AKAP7: variants seen among roughly 807,000 people sequenced by gnomAD.
AKAP7 encodes A kinase (PRKA) anchor protein 7.
AKAP7 carries 39 observed loss-of-function variants against 39.5 expected under a neutral mutation model. That is an observed-to-expected ratio of 0.99 (90% CI 0.76 to 1.29). The LOEUF (loss-of-function observed/expected upper bound fraction) is 1.29, where lower values mean the gene tolerates loss of function less well. AKAP7 is among the 50% of genes most tolerant of loss of function. The pLI, the probability that AKAP7 is intolerant of heterozygous loss-of-function variation, is 0.00. For synonymous variants in AKAP7, 140 were observed against 139.1 expected (o/e 1.01, Z -0.05); for missense variants, 414 against 407.7 (o/e 1.02, Z -0.13).
rs11389188 is a variant in AKAP7, at chr6:131,166,953, TA to T, written c.428+1743del. 2.0e-5 allele frequency among the ~76,000 whole-genome samples: 3 copies of T among 151,972 alleles called. No individual in the cohort carries two copies. The South Asian group carries it at 6.2e-4, about 32-fold the overall frequency. ...ATTGGATATGGAATGTGCAGATACT[TA>T]AAAAAATCATTAATTTCTTGAGGTA... On this transcript the variant is annotated intron_variant, in intron 4 of 7. Transcript: ENST00000431975.
intron 5 of AKAP7, among the ~76,000 whole-genome samples, chr6:131,198,939 A>G (rs1378955683): frequency 6.6e-6 from 1 of 152,150 alleles, no homozygotes; most frequent in Non-Finnish European, 1.5e-5. Flanking sequence ...CTTTGCCTCA[A>G]TCCAGGAAAG....
chr6:131,245,423 T>C (rs548610555), intron 7 of AKAP7, among the ~76,000 whole-genome samples: 2 of 148,298 alleles, frequency 1.3e-5, no homozygotes, highest in Non-Finnish European at 3.0e-5. Context: ...TTTTTTTTTT[T>C]GTTTTTTTGT....
intron 7 of AKAP7, among the ~76,000 whole-genome samples, chr6:131,240,574 C>T (rs532486233): frequency 5.7e-4 from 87 of 152,346 alleles, no homozygotes; most frequent in South Asian, 1.0e-3. Flanking sequence ...GCTTCCTGGC[C>T]GCTTTGTTTA....
intron 7 of AKAP7, among the ~76,000 whole-genome samples, chr6:131,226,438 C>T (rs11154622): frequency 0.29 from 43,388 of 152,050 alleles, 6,694 homozygotes; most frequent in Middle Eastern, 0.39. Context: ...CTGTGCAAAC[C>T]GCACTGCACT....
At position 131,281,648 on chromosome 6, in the gene AKAP7, C is replaced by G. The variant is rs762986432; in HGVS notation, c.969C>G (p.Asn323Lys). 1.2e-6 allele frequency: 2 copies of G among 1,613,590 alleles called. No homozygotes were observed. The highest frequency in any genetic ancestry group is 3.3e-5 in the Admixed American group (2 of 59,960). ...ATCTGGAGGAAACACAGAATAAAAACAAGCCGGGGGAGGGGAGCTCTGTGA... is the reference window on the plus strand; with the variant it reads ...ATCTGGAGGAAACACAGAATAAAAAGAAGCCGGGGGAGGGGAGCTCTGTGA... ...QQYLEETQNKNKPGEGSSVKT... is the reference protein window; with the variant it reads ...QQYLEETQNKKKPGEGSSVKT... The change falls in exon 8 of 8, where the codon AAC becomes AAG. Residue 323 changes from asparagine (N) to lysine (K), a missense_variant. Coordinates refer to ENST00000431975, the MANE Select transcript of AKAP7 (RefSeq NM_016377.4). This position sits in a 1 kb window ranked among gnomAD's most constrained non-coding sequence, Gnocchi z 4.0.
upstream of AKAP7, among the ~76,000 whole-genome samples, chr6:131,134,950 C>T (rs1479430278): frequency 6.6e-6 from 1 of 152,168 alleles, no homozygotes; most frequent in East Asian, 1.9e-4. Flanking sequence ...TCCCAATTTA[C>T]TCACTGCAGT....
chr6:131,277,817 A>C, intron 7 of AKAP7, among the ~76,000 whole-genome samples: 1 of 152,230 alleles, frequency 6.6e-6, no homozygotes, highest in East Asian at 1.9e-4. Context: ...AGTCCAGGAC[A>C]GATCTAGAAG....
chr6:131,169,414 A>G (rs1803817552), intron 5 of AKAP7, 141 bp downstream of exon 5: 5 of 937,470 alleles, frequency 5.3e-6, no homozygotes, highest in Admixed American at 2.5e-5. Flanking sequence ...TCCCAATCAT[A>G]AGTCTGAAGG....
At chr6:131,170,437 G>A (rs912085883) in intron 5 of AKAP7, among the ~76,000 whole-genome samples, 2 of 152,006 alleles carry the variant, frequency 1.3e-5, no homozygotes, top group East Asian at 1.9e-4. Flanking sequence ...TAATCTAACC[G>A]TATTGTCCTT....
intron 2 of AKAP7, among the ~76,000 whole-genome samples, chr6:131,151,306 G>C (rs1238056024): frequency 2.0e-5 from 3 of 151,020 alleles, no homozygotes; most frequent in Non-Finnish European, 4.4e-5. Context: ...GCCTCCCAAA[G>C]TGCTGGGATT....
intron 7 of AKAP7, among the ~76,000 whole-genome samples, chr6:131,229,639 T>C (rs768051708): frequency 4.6e-5 from 7 of 152,314 alleles, no homozygotes; most frequent in Non-Finnish European, 1.0e-4. Context: ...ATTACAGGTG[T>C]GAGCCACCAT....
At chr6:131,206,174 T>C (rs1388570795) in intron 6 of AKAP7, among the ~76,000 whole-genome samples, 3 of 152,228 alleles carry the variant, frequency 2.0e-5, no homozygotes, top group African/African-American at 7.2e-5. Flanking sequence ...GCCTAATGTA[T>C]AGATCAGTTG....
At chr6:131,177,417 G>A (rs1404240861) in intron 5 of AKAP7, among the ~76,000 whole-genome samples, 1 of 152,152 alleles carries the variant, frequency 6.6e-6, no homozygotes, top group African/African-American at 2.4e-5. Flanking sequence ...ATCACTTGCC[G>A]ATAGAGGAAG....
chr6:131,282,307 G>C lies in AKAP7; in HGVS notation c.*581G>C. 1 of 1,357,588 alleles carries C rather than the reference G, an allele frequency of 7.4e-7. No homozygotes were observed. Among genetic ancestry groups the C allele is most frequent in the Non-Finnish European group, 9.4e-7 (1 of 1,058,630 alleles). The allele number at this position is 1,357,588 out of a possible 1,614,324, so 84.1% of individuals were successfully genotyped here. On this transcript the variant is annotated 3_prime_UTR_variant, in exon 8 of 8. Coordinates refer to ENST00000431975, the MANE Select transcript of AKAP7 (RefSeq NM_016377.4). Reference sequence around the variant, plus strand: ...AAATGCAACCTTTTCTATAAAATGTGGGCAACATTTTAAAGTTTTTTTAAA... The same window carrying C: ...AAATGCAACCTTTTCTATAAAATGTCGGCAACATTTTAAAGTTTTTTTAAA...
rs568327015 is a variant in AKAP7, at chr6:131,244,916, CTTTTAG to C, written c.850+25115_850+25120del. Among the ~76,000 whole-genome samples, 132 of 152,182 alleles carry C rather than the reference CTTTTAG, an allele frequency of 8.7e-4. 1 individual carries two copies. In the East Asian group the frequency reaches 0.014, roughly 16 times the overall value. On this transcript the variant is annotated intron_variant, in intron 7 of 7. Coordinates refer to ENST00000431975, the MANE Select transcript of AKAP7 (RefSeq NM_016377.4). The stretch of plus-strand genomic sequence containing the variant: ...CAGTTTCAAATACAAATACCTATAA[CTTTTAG>C]TTTTAGAGAAAAACAAAAGCACTGT...
chr6:131,281,497 T>G lies in AKAP7; in HGVS notation c.851-33T>G, dbSNP rs1815186168. The stretch of plus-strand genomic sequence containing the variant: ...GCCAAGTTTCTATGGCAATGTGATC[T>G]CAGTGACCTCTCTTCTCTATTGTGG... On this transcript the variant is annotated intron_variant, in intron 7 of 7. Coordinates refer to ENST00000431975, the MANE Select transcript of AKAP7 (RefSeq NM_016377.4). This position sits in a 1 kb window ranked among gnomAD's most constrained non-coding sequence, Gnocchi z 4.0. 6.6e-7 allele frequency: 1 copy of G among 1,516,140 alleles called. No homozygotes were observed. Among genetic ancestry groups the G allele is most frequent in the African/African-American group, 1.4e-5 (1 of 71,252 alleles). 93.9% of individuals were successfully genotyped at this position (1,516,140 alleles called of 1,614,324 possible).
chr6:131,273,520 T>C (rs1436545664), intron 7 of AKAP7, among the ~76,000 whole-genome samples: 1 of 152,178 alleles, frequency 6.6e-6, no homozygotes, highest in African/African-American at 2.4e-5. Context: ...ACTGTAGGGT[T>C]TTAAAGTATA....
At chr6:131,127,623 C>CAATACTTCT in the AKAP7 span, among the ~76,000 whole-genome samples, 1 of 152,082 alleles carries the variant, frequency 6.6e-6, no homozygotes, top group Non-Finnish European at 1.5e-5. Flanking sequence ...CTTCTATATA[C>CAATACTTCT]GAATTAAAAT....
rs761115919 is a variant in AKAP7, at chr6:131,282,049, A to G, written c.*323A>G. The G allele has an allele frequency of 5.7e-5, 65 of 1,139,146 alleles. No individual in the cohort carries two copies. Among genetic ancestry groups the G allele is most frequent in the Middle Eastern group, 3.7e-4 (1 of 2,714 alleles). The allele number at this position is 1,139,146 out of a possible 1,614,324, so 70.6% of individuals were successfully genotyped here. On this transcript the variant is annotated 3_prime_UTR_variant, in exon 8 of 8. Transcript: ENST00000431975. The stretch of plus-strand genomic sequence containing the variant: ...TAAAGGCCGAGAAAGAGGCCTTGCC[A>G]TCAATGGAATACTGCCATTTATATT...
Sources: allele counts gnomAD v4.1 joint callset (sites outside exome capture counted in the v4.1 genomes callset), GRCh38; gene constraint gnomAD v4.1.1; non-coding constraint Gnocchi (gnomAD v3.1); transcripts MANE v1.5; gene names NCBI Gene and HGNC (gene_info 2026-07-23, HGNC 2026-07-21).